LPAR1: variants seen among roughly 807,000 people sequenced by gnomAD.
LPAR1 encodes LPA receptor 1.
In LPAR1, 5 loss-of-function variants were observed where a neutral mutation model predicts 23.8. The observed-to-expected ratio is 0.21, with a 90% CI of 0.11 to 0.44. The LOEUF (loss-of-function observed/expected upper bound fraction) is 0.44, where lower values mean the gene tolerates loss of function less well. LPAR1 is among the 20% of genes least tolerant of loss of function. The pLI is 0.99. For missense variants in LPAR1, 311 were observed against 482.8 expected, an observed-to-expected ratio of 0.64 and a Z score of 3.33; for synonymous variants, 160 against 164.7, an observed-to-expected ratio of 0.97 and a Z score of 0.22.
At chr9:110,931,086 T>C (rs527458962) in intron 5 of LPAR1, among the ~76,000 whole-genome samples, 1 of 152,256 alleles carries the variant, frequency 6.6e-6, no homozygotes, top group South Asian at 2.1e-4. Flanking sequence ...CTAATTACAA[T>C]ACAAGAAAAG....
chr9:110,981,310 T>C (rs1053543626), intron 2 of LPAR1, among the ~76,000 whole-genome samples: 1 of 152,072 alleles, frequency 6.6e-6, no homozygotes, highest in Non-Finnish European at 1.5e-5. Flanking sequence ...TAGGTTCAAA[T>C]CCTTGTCCTG....
chr9:110,973,240 A>G lies in LPAR1; in HGVS notation c.-104+241T>C, dbSNP rs1157113334. Among the ~76,000 whole-genome samples the G allele has an allele frequency of 3.3e-5, 5 of 152,332 alleles. No homozygotes were observed. In the East Asian group the frequency reaches 9.6e-4, roughly 29 times the overall value. ...GTGAAGCTTCGGATAAAAGTAGACT[A>G]CCATAATACCGTCAAGTGATTAGAT... On this transcript the variant is annotated intron_variant, in intron 3 of 5. Transcript: ENST00000683809.
In LPAR1 at chr9:110,941,947, A is replaced by T; in HGVS notation, c.267T>A (p.Ala89=). 6.2e-7 allele frequency: 1 copy of T among 1,614,210 alleles called. No homozygotes were observed. The highest frequency in any genetic ancestry group is 8.5e-7 in the Non-Finnish European group (1 of 1,180,022). The change falls in exon 5 of 6, where the codon GCT becomes GCA. Residue 89 remains alanine, a synonymous_variant. Transcript: ENST00000683809. This position sits in a 1 kb window ranked among gnomAD's most constrained non-coding sequence, Gnocchi z 6.1. ...RFHFPIYYLM[A]NLAAADFFAG... ...CAAAGAAGTCTGCAGCAGCCAGATT[A>T]GCCATTAGGTAATAAATAGGAAAAT...
intron 2 of LPAR1, among the ~76,000 whole-genome samples, chr9:111,015,743 G>A (rs150714910): frequency 6.6e-6 from 1 of 151,940 alleles, no homozygotes. Flanking sequence ...TCAGTGAAAT[G>A]GAGGAAAAAT....
intron 5 of LPAR1, among the ~76,000 whole-genome samples, chr9:110,938,521 C>T (rs2094874904): frequency 6.6e-6 from 1 of 152,020 alleles, no homozygotes; most frequent in African/African-American, 2.4e-5. Flanking sequence ...ACCCCTTTTC[C>T]AGGAAGTTCA....
At chr9:111,037,311 G>GA (rs1164411177) in intron 1 of LPAR1, among the ~76,000 whole-genome samples, 1 of 152,136 alleles carries the variant, frequency 6.6e-6, no homozygotes. Flanking sequence ...CCACATTTAT[G>GA]AAAAAATCCA....
intron 5 of LPAR1, among the ~76,000 whole-genome samples, chr9:110,938,139 G>A (rs527764305): frequency 3.8e-4 from 58 of 152,288 alleles, no homozygotes; most frequent in African/African-American, 1.3e-3. Context: ...ATGTGGCAAC[G>A]TGGAGAAAAC....
chr9:110,955,904 G>C lies in LPAR1; in HGVS notation c.46-13736C>G, dbSNP rs144205312. On this transcript the variant is annotated intron_variant, in intron 4 of 5. Transcript: ENST00000683809. ...AAACCAATGGGATACAACCAAAGCA[G>C]TGCAAAGAAGGAAATTTATAGCAAT... Among the ~76,000 whole-genome samples, 821 of 151,872 alleles carry C rather than the reference G, an allele frequency of 5.4e-3. 6 individuals are homozygous for C. The highest frequency in any genetic ancestry group is 0.018 in the African/African-American group (735 of 41,426).
At chr9:110,910,598 G>A (rs76704249) in intron 5 of LPAR1, among the ~76,000 whole-genome samples, 1 of 152,198 alleles carries the variant, frequency 6.6e-6, no homozygotes, top group East Asian at 1.9e-4. Context: ...GCCATAGATA[G>A]TGATTTCTCT....
chr9:111,011,157 T>C (rs1367795447), intron 2 of LPAR1, among the ~76,000 whole-genome samples: 1 of 151,682 alleles, frequency 6.6e-6, no homozygotes, highest in Non-Finnish European at 1.5e-5. Flanking sequence ...AAGTCTGTGC[T>C]TGGTTTTAAT....
Position 110,892,848 on chromosome 9 carries a change from GGCAGGCAGGCAGGCAGGCAT to G in LPAR1, c.794-17146_794-17127del, listed in dbSNP as rs1456371637. ...AGGAAGGCAGGCAGGCAGGCAGGCAGGCAGGCAGGCAGGCAGGCATGCAGGCAGGCAGGCTCAAAAACACT... is the reference window on the plus strand; with the variant it reads ...AGGAAGGCAGGCAGGCAGGCAGGCAGGCAGGCAGGCAGGCTCAAAAACACT... On this transcript the variant is annotated intron_variant, in intron 5 of 5. Coordinates refer to ENST00000683809, the MANE Select transcript of LPAR1 (RefSeq NM_001351411.2). Among the ~76,000 whole-genome samples, 758 of 114,228 alleles carry G rather than the reference GGCAGGCAGGCAGGCAGGCAT, an allele frequency of 6.6e-3. 7 individuals carry two copies. Among genetic ancestry groups the G allele is most frequent in the Non-Finnish European group, 0.01 (500 of 49,416 alleles). The allele number at this position is 114,228 out of a possible 152,430, so 74.9% of individuals were successfully genotyped here. A position where few individuals can be genotyped will look rare whatever the true frequency, so the allele number is the denominator to read the frequency against.
chr9:110,990,368 T>C (rs1441768942), intron 2 of LPAR1, among the ~76,000 whole-genome samples: 4 of 152,060 alleles, frequency 2.6e-5, no homozygotes, highest in Admixed American at 6.6e-5. Context: ...TCTCAATAAA[T>C]GTAAAAGAAT....
At chr9:110,896,182 T>G (rs1459225015) in intron 5 of LPAR1, among the ~76,000 whole-genome samples, 1 of 152,154 alleles carries the variant, frequency 6.6e-6, no homozygotes, top group Admixed American at 6.5e-5. Context: ...TAATTATTCT[T>G]GTTACCACGA....
At chr9:110,902,693 A>G (rs939955342) in intron 5 of LPAR1, among the ~76,000 whole-genome samples, 2 of 152,134 alleles carry the variant, frequency 1.3e-5, no homozygotes. Context: ...CCTTCCTCCA[A>G]TGAGAAACAG....
chr9:110,882,076 C>T (rs2132568069), intron 5 of LPAR1, among the ~76,000 whole-genome samples: 1 of 152,306 alleles, frequency 6.6e-6, no homozygotes, highest in South Asian at 2.1e-4. Context: ...AAAAGGCTAT[C>T]CTTGGTTATC....
intron 2 of LPAR1, among the ~76,000 whole-genome samples, chr9:110,980,734 AAAC>A (rs2138940264): frequency 6.6e-6 from 1 of 152,146 alleles, no homozygotes; most frequent in Non-Finnish European, 1.5e-5. Flanking sequence ...GACTTATAGC[AAAC>A]AACAATTTAT....
chr9:110,914,260 A>T (rs2092799071), intron 5 of LPAR1, among the ~76,000 whole-genome samples: 3 of 152,182 alleles, frequency 2.0e-5, no homozygotes, highest in Admixed American at 2.0e-4. Flanking sequence ...CATACCTGAG[A>T]CTGGATAATT....
chr9:110,940,773 C>T (rs2095049639), intron 5 of LPAR1, among the ~76,000 whole-genome samples: 1 of 152,092 alleles, frequency 6.6e-6, no homozygotes, highest in African/African-American at 2.4e-5. Flanking sequence ...CCAAGAAAAA[C>T]AATGCTTATT....
intron 3 of LPAR1, among the ~76,000 whole-genome samples, chr9:110,973,238 C>A (rs1171482350): frequency 6.6e-6 from 1 of 152,178 alleles, no homozygotes; most frequent in Admixed American, 6.5e-5. Context: ...TAAAAGTAGA[C>A]TACCATAATA....
Sources: allele counts gnomAD v4.1 joint callset (sites outside exome capture counted in the v4.1 genomes callset), GRCh38; gene constraint gnomAD v4.1.1; non-coding constraint Gnocchi (gnomAD v3.1); transcripts MANE v1.5; gene names NCBI Gene and HGNC (gene_info 2026-07-23, HGNC 2026-07-21).